The following RABGEF1 variants were observed in gnomAD, a reference collection of about 807,000 sequenced individuals.
RABGEF1 encodes the protein rab5 GDP/GTP exchange factor.
In RABGEF1, 26 loss-of-function variants were observed where a neutral mutation model predicts 57.3. That is an observed-to-expected ratio of 0.45 (90% CI 0.33 to 0.63). The LOEUF (loss-of-function observed/expected upper bound fraction) is 0.63, where lower values mean the gene tolerates loss of function less well. Ranked by LOEUF, RABGEF1 falls within the 20% of genes least tolerant of loss-of-function variation. The pLI is 0.02. For synonymous variants in RABGEF1, 185 were observed against 210.7 expected, an observed-to-expected ratio of 0.88 and a Z score of 1.06; for missense variants, 464 against 607.6, an observed-to-expected ratio of 0.76 and a Z score of 2.48.
At chr7:66,701,365 G>A (rs1475141012) in intron 1 of RABGEF1, among the ~76,000 whole-genome samples, 1 of 152,100 alleles carries the variant, frequency 6.6e-6, no homozygotes, top group Non-Finnish European at 1.5e-5. Flanking sequence ...AGCCAGGCAT[G>A]GTGGCGCACA....
intron 2 of RABGEF1, among the ~76,000 whole-genome samples, chr7:66,725,829 G>C (rs1796520529): frequency 6.6e-6 from 1 of 152,216 alleles, no homozygotes; most frequent in Non-Finnish European, 1.5e-5. Context: ...TCTGATGAGG[G>C]AGTTACACCC....
intron 2 of RABGEF1, 57 bp from the exon 3 acceptor site, chr7:66,775,170 C>G (rs1425946856): frequency 7.8e-6 from 12 of 1,535,082 alleles, no homozygotes; most frequent in South Asian, 7.6e-5. Context: ...ATAACCTTCA[C>G]ATACAGAGAA....
chr7:66,771,340 C>T (rs769453926), intron 1 of RABGEF1, among the ~76,000 whole-genome samples: 7 of 152,068 alleles, frequency 4.6e-5, no homozygotes, highest in Non-Finnish European at 5.9e-5. Context: ...AGGGTTTCAC[C>T]GTGTTAGCCA....
intron 1 of RABGEF1, among the ~76,000 whole-genome samples, chr7:66,701,689 A>G (rs970047499): frequency 6.6e-6 from 1 of 151,846 alleles, no homozygotes; most frequent in Admixed American, 6.6e-5. Flanking sequence ...TTGTATTTTT[A>G]GTAAATACAA....
intron 8 of RABGEF1, among the ~76,000 whole-genome samples, chr7:66,805,638 T>TC (rs1471028480): frequency 2.0e-5 from 3 of 152,162 alleles, no homozygotes; most frequent in African/African-American, 7.2e-5. Flanking sequence ...TGGGCATCAC[T>TC]CCCCACGGTC....
chr7:66,762,070 A>G (rs1370262419), intron 1 of RABGEF1, among the ~76,000 whole-genome samples: 1 of 151,622 alleles, frequency 6.6e-6, no homozygotes, highest in Admixed American at 6.6e-5. Context: ...AAACAAAAAA[A>G]CAAAAACAAA....
chr7:66,702,347 TTG>T (rs58655312), intron 1 of RABGEF1, among the ~76,000 whole-genome samples: 9,897 of 143,802 alleles, frequency 0.069, 660 homozygotes, highest in African/African-American at 0.19. Context: ...ATTGTTTTGT[TTG>T]TGTGTGTGTG....
intron 1 of RABGEF1, 58 bp downstream of exon 1, chr7:66,740,850 G>T (rs1798744547): frequency 6.6e-6 from 1 of 152,266 alleles, no homozygotes. Flanking sequence ...CAGGAGCGGG[G>T]CGGCGGGGCG....
At chr7:66,751,984 C>A (rs1801531198) in intron 1 of RABGEF1, among the ~76,000 whole-genome samples, 1 of 151,756 alleles carries the variant, frequency 6.6e-6, no homozygotes, top group African/African-American at 2.4e-5. Flanking sequence ...CTCACTTGAG[C>A]CCAGGACTTC....
At chr7:66,808,373 G>A (rs940003979) in intron 8 of RABGEF1, among the ~76,000 whole-genome samples, 1 of 151,966 alleles carries the variant, frequency 6.6e-6, no homozygotes, top group Non-Finnish European at 1.5e-5. Flanking sequence ...CCACAACTGC[G>A]CCCAGCTAAT....
At chr7:66,786,234 A>G (rs1811159201) in intron 4 of RABGEF1, among the ~76,000 whole-genome samples, 1 of 152,230 alleles carries the variant, frequency 6.6e-6, no homozygotes, top group Admixed American at 6.5e-5. Context: ...TCCGAACTGC[A>G]TTAAAATTTT....
intron 5 of RABGEF1, among the ~76,000 whole-genome samples, chr7:66,796,424 A>C (rs148617557): frequency 6.6e-6 from 1 of 152,206 alleles, no homozygotes; most frequent in African/African-American, 2.4e-5. Context: ...AGCATTCATC[A>C]GTCTTGGGAG....
chr7:66,696,398 T>C (rs1792336329), intron 1 of RABGEF1, among the ~76,000 whole-genome samples: 1 of 151,714 alleles, frequency 6.6e-6, no homozygotes, highest in Admixed American at 6.6e-5. Flanking sequence ...TGAGAGAAAG[T>C]GGACCGTGGG....
At chr7:66,693,437 A>G (rs574692872) in intron 1 of RABGEF1, among the ~76,000 whole-genome samples, 8 of 151,960 alleles carry the variant, frequency 5.3e-5, no homozygotes, top group African/African-American at 1.5e-4. Context: ...GCTCAGGGTG[A>G]GAAGGTAGGT....
At chr7:66,761,043 A>C (rs896354519) in intron 1 of RABGEF1, among the ~76,000 whole-genome samples, 5 of 152,182 alleles carry the variant, frequency 3.3e-5, no homozygotes, top group African/African-American at 1.2e-4. Flanking sequence ...TTCTTTCAAC[A>C]AAGAATTGAG....
intron 8 of RABGEF1, among the ~76,000 whole-genome samples, chr7:66,806,139 A>G (rs1054408421): frequency 6.6e-6 from 1 of 152,084 alleles, no homozygotes; most frequent in Non-Finnish European, 1.5e-5. Flanking sequence ...GGGGCAGCGT[A>G]TGGACTTGGT....
intron 2 of RABGEF1, among the ~76,000 whole-genome samples, chr7:66,719,099 T>C (rs560539980): frequency 2.6e-5 from 4 of 152,294 alleles, no homozygotes; most frequent in South Asian, 2.1e-4. Context: ...CCCAACTGCT[T>C]TTGCTTGTCT....
chr7:66,690,405 A>G (rs73135922), intron 1 of RABGEF1, among the ~76,000 whole-genome samples: 15,659 of 149,840 alleles, frequency 0.1, 879 homozygotes, highest in Non-Finnish European at 0.11. Flanking sequence ...GGCCTGATAA[A>G]AAATTCTTAA....
chr7:66,766,201 T>C (rs1220996862), intron 1 of RABGEF1, among the ~76,000 whole-genome samples: 2 of 151,458 alleles, frequency 1.3e-5, no homozygotes, highest in East Asian at 3.9e-4. Flanking sequence ...TAGCCAGGCA[T>C]GGTGGCTGAG....
Sources: gnomAD v4.1 joint callset for allele counts (sites outside exome capture counted in the v4.1 genomes callset) on GRCh38, gnomAD v4.1.1 for gene constraint, MANE v1.5 for transcripts, NCBI Gene and HGNC (gene_info 2026-07-23, HGNC 2026-07-21) for gene names.